SCD5: variants seen among roughly 807,000 people sequenced by gnomAD.
The protein encoded by SCD5 is stearoyl-CoA desaturase 5.
A neutral mutation model predicts 30.4 loss-of-function variants in SCD5; 20 were observed. The observed-to-expected ratio is 0.66, with a 90% confidence interval of 0.46 to 0.96. SCD5 has a LOEUF of 0.96. SCD5 is among the 40% of genes least tolerant of loss of function. The pLI, the probability that SCD5 is intolerant of heterozygous loss-of-function variation, is 0.00. For missense variants in SCD5, 381 were observed against 443.3 expected (o/e 0.86, Z 1.26); for synonymous variants, 173 against 176.4 (o/e 0.98, Z 0.16).
intron 1 of SCD5, among the ~76,000 whole-genome samples, chr4:82,725,454 CCAAA>C (rs1477602391): frequency 3.9e-5 from 6 of 152,208 alleles, no homozygotes; most frequent in African/African-American, 1.4e-4. Context: ...ACTTGTCTCA[CCAAA>C]CAAACAAAAA....
At chr4:82,636,851 G>A in intron 3 of SCD5, 28 bp from the exon 4 acceptor site, 2 of 1,557,286 alleles carry the variant, frequency 1.3e-6, no homozygotes, top group Non-Finnish European at 1.7e-6. Flanking sequence ...ATATCACCAT[G>A]AGGACCCGCT....
At chr4:82,638,371 G>T (rs1727475819) in intron 3 of SCD5, among the ~76,000 whole-genome samples, 1 of 152,158 alleles carries the variant, frequency 6.6e-6, no homozygotes, top group South Asian at 2.1e-4. Context: ...GCATGGATGG[G>T]CAAATGGGCT....
At chr4:82,674,732 G>A (rs1449635390) in intron 3 of SCD5, among the ~76,000 whole-genome samples, 1 of 152,118 alleles carries the variant, frequency 6.6e-6, no homozygotes, top group African/African-American at 2.4e-5. Flanking sequence ...GTCCTCCACT[G>A]GGTGAATGGA....
chr4:82,735,880 A>G (rs1720740260), intron 1 of SCD5, among the ~76,000 whole-genome samples: 1 of 152,218 alleles, frequency 6.6e-6, no homozygotes, highest in Non-Finnish European at 1.5e-5. Context: ...AACTGGTTTC[A>G]TTATCCATCG....
At chr4:82,754,930 C>T (rs545577526) in intron 1 of SCD5, among the ~76,000 whole-genome samples, 1 of 152,274 alleles carries the variant, frequency 6.6e-6, no homozygotes, top group South Asian at 2.1e-4. Context: ...CTCAGAGGAA[C>T]AGAAGCAACA....
At chr4:82,749,619 A>G (rs1368317800) in intron 1 of SCD5, among the ~76,000 whole-genome samples, 1 of 152,254 alleles carries the variant, frequency 6.6e-6, no homozygotes, top group Non-Finnish European at 1.5e-5. Flanking sequence ...CAGTGTCTTC[A>G]TATTACAAAA....
rs188513408 is a variant in SCD5 at position 82,705,453 on chromosome 4, T to C, written c.233-40A>G. 35 of 1,609,522 alleles carry C rather than the reference T, an allele frequency of 2.2e-5. No individual in the cohort carries two copies. In the Admixed American group the frequency reaches 4.8e-4, roughly 22 times the overall value. On this transcript the variant is annotated intron_variant, in intron 1 of 4. Transcript: ENST00000319540. ...CAGGGACAACGTCAACAATGGTCCC[T>C]GAGCTTTCAAACACCCCCCATGCTT...
intron 1 of SCD5, among the ~76,000 whole-genome samples, chr4:82,769,470 A>T (rs1034108980): frequency 1.3e-5 from 2 of 152,178 alleles, no homozygotes; most frequent in Admixed American, 6.5e-5. Flanking sequence ...TAATAAATTG[A>T]TACAAAAATC....
In SCD5 at chr4:82,794,145, C is replaced by G. The variant is rs560488645; in HGVS notation, c.232+4161G>C. Among the ~76,000 whole-genome samples the G allele has an allele frequency of 3.3e-5, 5 of 152,314 alleles. 1 individual carries two copies. In the South Asian group the frequency reaches 1.0e-3, roughly 32 times the overall value. ...CACTTCTCAGTTTCCTTGCCATATG[C>G]TGAATCCCACTCAGGATGGTACAGA... is the stretch of plus-strand genomic sequence containing the variant. On this transcript the variant is annotated intron_variant, in intron 1 of 4. Transcript: ENST00000319540.
chr4:82,749,594 T>G (rs1264644939), intron 1 of SCD5, among the ~76,000 whole-genome samples: 3 of 152,266 alleles, frequency 2.0e-5, no homozygotes, highest in Non-Finnish European at 4.4e-5. Context: ...CAATGTTTCC[T>G]TCTTAGAAAC....
At chr4:82,637,796 T>A (rs1219765004) in intron 3 of SCD5, among the ~76,000 whole-genome samples, 1 of 152,226 alleles carries the variant, frequency 6.6e-6, no homozygotes, top group Non-Finnish European at 1.5e-5. Flanking sequence ...GGTGGAAGAC[T>A]CTGACTTGAG....
At chr4:82,735,039 G>C (rs908288513) in intron 1 of SCD5, among the ~76,000 whole-genome samples, 2 of 152,154 alleles carry the variant, frequency 1.3e-5, no homozygotes, top group African/African-American at 4.8e-5. Flanking sequence ...AAAGTGCTGG[G>C]ATTACAGGTG....
chr4:82,643,261 T>C (rs2148813158), intron 3 of SCD5, among the ~76,000 whole-genome samples: 1 of 152,304 alleles, frequency 6.6e-6, no homozygotes, highest in African/African-American at 2.4e-5. Context: ...CACTCCTAGG[T>C]ATATATCCAA....
intron 1 of SCD5, among the ~76,000 whole-genome samples, chr4:82,705,977 C>T (rs982764259): frequency 6.6e-6 from 1 of 152,202 alleles, no homozygotes; most frequent in Non-Finnish European, 1.5e-5. Flanking sequence ...TAAGAATAAA[C>T]GGTCCCTGAA....
At chr4:82,793,518 C>A (rs944698151) in intron 1 of SCD5, among the ~76,000 whole-genome samples, 1 of 152,172 alleles carries the variant, frequency 6.6e-6, no homozygotes, top group African/African-American at 2.4e-5. Flanking sequence ...TCTATCTTTT[C>A]TATGCAAGAG....
chr4:82,759,648 T>TAAAAAAA (rs70938309), intron 1 of SCD5, among the ~76,000 whole-genome samples: 2,960 of 125,208 alleles, frequency 0.024, 39 homozygotes, highest in Non-Finnish European at 0.031. Context: ...AACCCCGTCT[T>TAAAAAAA]AAAAAAAAAA....
chr4:82,639,115 G>C (rs1481664008), intron 3 of SCD5, among the ~76,000 whole-genome samples: 1 of 152,208 alleles, frequency 6.6e-6, no homozygotes, highest in Non-Finnish European at 1.5e-5. Flanking sequence ...GCATGTGTCA[G>C]CTCCCATCAT....
At position 82,715,110 on chromosome 4, in the gene SCD5, G is replaced by A. The variant is rs374409364; in HGVS notation, c.233-9697C>T. 1.5e-4 allele frequency among the ~76,000 whole-genome samples: 23 copies of A among 151,450 alleles called. 1 individual carries two copies. Among genetic ancestry groups the A allele is most frequent in the Admixed American group, 3.3e-4 (5 of 15,234 alleles). The stretch of plus-strand genomic sequence containing the variant: ...AAATTAGCCGGGTGTGGTGGCACAC[G>A]CCTGTAATCCCAGCTACTTGGGAGG... On this transcript the variant is annotated intron_variant, in intron 1 of 4. Coordinates refer to ENST00000319540, the MANE Select transcript of SCD5 (RefSeq NM_001037582.3).
chr4:82,656,786 C>A (rs10034935), intron 3 of SCD5, among the ~76,000 whole-genome samples: 88,113 of 151,972 alleles, frequency 0.58, 26,082 homozygotes, highest in Admixed American at 0.69. Flanking sequence ...TTTTAATGAT[C>A]GCCATTGTAA....
Sources: gnomAD v4.1 joint callset for allele counts (sites outside exome capture counted in the v4.1 genomes callset) on GRCh38, gnomAD v4.1.1 for gene constraint, MANE v1.5 for transcripts, NCBI Gene and HGNC (gene_info 2026-07-23, HGNC 2026-07-21) for gene names.